GRIP1: variants seen among roughly 807,000 people sequenced by gnomAD.
The protein encoded by GRIP1 is glutamate receptor interacting protein 1.
Under a neutral mutation model 129.9 loss-of-function variants are expected in GRIP1, and 45 were observed. The ratio of observed to expected loss-of-function variants is 0.35; its 90% CI spans 0.27 to 0.44. The LOEUF is 0.44. Ranked by LOEUF, GRIP1 falls within the 20% of genes least tolerant of loss-of-function variation. The pLI is 1.00. For missense variants in GRIP1, 1,196 were observed against 1,396.8 expected, an observed-to-expected ratio of 0.86 and a Z score of 2.29; for synonymous variants, 530 against 520.8, an observed-to-expected ratio of 1.02 and a Z score of -0.24.
intron 1 of GRIP1, among the ~76,000 whole-genome samples, chr12:66,818,043 T>C (rs1317850479): frequency 6.6e-6 from 1 of 152,214 alleles, no homozygotes; most frequent in Non-Finnish European, 1.5e-5. Context: ...TATACCAGGA[T>C]TCAACATTAA....
chr12:66,896,860 T>C (rs1209470036), intron 1 of GRIP1, among the ~76,000 whole-genome samples: 1 of 152,222 alleles, frequency 6.6e-6, no homozygotes, highest in Non-Finnish European at 1.5e-5. Context: ...TTCCAAGATT[T>C]CAAAAACATT....
chr12:66,846,523 C>A (rs188004993), intron 1 of GRIP1, among the ~76,000 whole-genome samples: 1 of 152,130 alleles, frequency 6.6e-6, no homozygotes, highest in Admixed American at 6.5e-5. Context: ...ATAGGCTTTA[C>A]GATTATTTAG....
intron 23 of GRIP1, among the ~76,000 whole-genome samples, chr12:66,354,173 G>A (rs2054368229): frequency 1.3e-5 from 2 of 152,084 alleles, no homozygotes; most frequent in African/African-American, 4.8e-5. Context: ...TTTGTCTAGG[G>A]TTTGATTTGG....
chr12:66,424,399 T>C (rs2057913818), intron 14 of GRIP1, among the ~76,000 whole-genome samples: 1 of 152,212 alleles, frequency 6.6e-6, no homozygotes, highest in African/African-American at 2.4e-5. Flanking sequence ...CTTCCCCAGA[T>C]GCTTTCAATT....
intron 19 of GRIP1, among the ~76,000 whole-genome samples, chr12:66,383,240 C>T (rs2056197769): frequency 6.6e-6 from 1 of 151,656 alleles, no homozygotes; most frequent in African/African-American, 2.4e-5. Context: ...GAGGTTGCAG[C>T]GAGCTGAAGG....
chr12:66,803,971 A>G (rs938836565), intron 1 of GRIP1: 4 of 372,432 alleles, frequency 1.1e-5, no homozygotes, highest in African/African-American at 6.3e-5. Context: ...AACCTTTTGC[A>G]TTTAAGATTA....
chr12:66,812,206 T>C (rs2039117505), intron 1 of GRIP1, among the ~76,000 whole-genome samples: 1 of 152,234 alleles, frequency 6.6e-6, no homozygotes, highest in African/African-American at 2.4e-5. Context: ...CAATCTTGGC[T>C]CACTGCAACT....
Position 66,406,323 on chromosome 12 carries a change from G to T in GRIP1, c.1944C>A (p.Asp648Glu). Reference protein sequence around the residue: ...DAVQILQQCEDLVKLKIRKDE... With the variant: ...DAVQILQQCEELVKLKIRKDE... ...CTTTGCGGATTTTGAGCTTCACCAG[G>T]TCTTCACATTGCTGGAGGATCTGAA... is the stretch of plus-strand genomic sequence containing the variant. The change falls in exon 16 of 25, where the codon GAC becomes GAA. Residue 648 changes from aspartate (D) to glutamate (E), a missense_variant. By Grantham distance (45) the Asp-to-Glu change is conservative. Transcript: ENST00000359742. 2 of 1,614,060 alleles carry T rather than the reference G, an allele frequency of 1.2e-6. No homozygotes were observed. Among genetic ancestry groups the T allele is most frequent in the Non-Finnish European group, 1.7e-6 (2 of 1,179,916 alleles).
chr12:66,599,637 A>G (rs1009712978), intron 1 of GRIP1, among the ~76,000 whole-genome samples: 1 of 152,198 alleles, frequency 6.6e-6, no homozygotes, highest in South Asian at 2.1e-4. Context: ...ATGGCTCCAC[A>G]GTAGGATACT....
intron 1 of GRIP1, among the ~76,000 whole-genome samples, chr12:66,732,146 C>T (rs1177164961): frequency 1.3e-5 from 2 of 152,060 alleles, no homozygotes; most frequent in African/African-American, 2.4e-5. Flanking sequence ...CCTCTTGCCT[C>T]CCCTTCCACC....
At chr12:66,669,670 G>A (rs1228174564) in intron 1 of GRIP1, among the ~76,000 whole-genome samples, 1 of 152,132 alleles carries the variant, frequency 6.6e-6, no homozygotes. Context: ...TTAACAAGTG[G>A]CTTTGTCGGG....
intron 1 of GRIP1, among the ~76,000 whole-genome samples, chr12:67,058,544 C>A (rs2043476076): frequency 6.6e-6 from 1 of 152,166 alleles, no homozygotes; most frequent in Non-Finnish European, 1.5e-5. Context: ...ACACTACTGA[C>A]TATGAGAAGA....
At chr12:66,371,590 G>A in intron 23 of GRIP1, 104 bp downstream of exon 23, 1 of 794,058 alleles carries the variant, frequency 1.3e-6, no homozygotes, top group Admixed American at 1.8e-5. Flanking sequence ...TTGCTTGGCT[G>A]AGCCCATAGG....
At chr12:66,896,480 G>GA (rs5798843) in intron 1 of GRIP1, among the ~76,000 whole-genome samples, 16,744 of 107,708 alleles carry the variant, frequency 0.16, 2,972 homozygotes, top group African/African-American at 0.42. Context: ...TGAGGAATTT[G>GA]AAAAAAAAAA....
At chr12:66,625,854 A>G (rs1252938481) in intron 1 of GRIP1, among the ~76,000 whole-genome samples, 1 of 152,190 alleles carries the variant, frequency 6.6e-6, no homozygotes, top group African/African-American at 2.4e-5. Context: ...GTAGCATTTA[A>G]TAAAATATTT....
At position 66,756,568 on chromosome 12, in the gene GRIP1, C is replaced by G. The variant is rs144507640; in HGVS notation, c.-420+47485G>C. 2.7e-3 allele frequency among the ~76,000 whole-genome samples: 414 copies of G among 152,256 alleles called. 1 individual carries two copies. The highest frequency in any genetic ancestry group is 9.5e-3 in the African/African-American group (394 of 41,548). The stretch of plus-strand genomic sequence containing the variant: ...TTTTCTGATGAACACCTGGTTCTCA[C>G]TTCATAGAGCCTCAGTAATGGTGGG... On this transcript the variant is annotated intron_variant, in intron 1 of 4. Transcript: ENST00000538373.
intron 7 of GRIP1, among the ~76,000 whole-genome samples, chr12:66,509,485 C>T (rs1248014753): frequency 2.0e-5 from 3 of 152,082 alleles, no homozygotes. Flanking sequence ...CTGTATTTTA[C>T]TACAGTCATT....
At chr12:66,592,456 A>T (rs189718682) in intron 2 of GRIP1, among the ~76,000 whole-genome samples, 1 of 152,322 alleles carries the variant, frequency 6.6e-6, no homozygotes, top group Admixed American at 6.5e-5. Context: ...ACAAACATTC[A>T]TGGCATTATT....
intron 1 of GRIP1, among the ~76,000 whole-genome samples, chr12:66,733,888 T>C (rs1260978508): frequency 6.6e-6 from 1 of 152,148 alleles, no homozygotes; most frequent in Non-Finnish European, 1.5e-5. Context: ...AGAGAGGAGC[T>C]CCTTTCATGA....
Sources: gnomAD v4.1 joint callset for allele counts (sites outside exome capture counted in the v4.1 genomes callset) on GRCh38, gnomAD v4.1.1 for gene constraint, MANE v1.5 for transcripts, NCBI Gene and HGNC (gene_info 2026-07-23, HGNC 2026-07-21) for gene names.